The following ADAM28 variants were observed in gnomAD, a reference collection of about 807,000 sequenced individuals.
ADAM28 encodes disintegrin and metalloproteinase domain-containing protein 28.
In ADAM28, 105 loss-of-function variants were observed where a neutral mutation model predicts 101.2. That is an observed-to-expected ratio of 1.04 (90% CI 0.89 to 1.22). The LOEUF is 1.22. Among genes scored for constraint, ADAM28 ranks in the 50% most tolerant of loss-of-function variants. The pLI is 0.00. For synonymous variants in ADAM28, 322 were observed against 310.6 expected, an observed-to-expected ratio of 1.04 and a Z score of -0.39; for missense variants, 1,028 against 945.4, an observed-to-expected ratio of 1.09 and a Z score of -1.15.
At chr8:24,297,170 T>TTGG (rs1808084516) in intron 1 of ADAM28, among the ~76,000 whole-genome samples, 1 of 125,596 alleles carries the variant, frequency 8.0e-6, no homozygotes, top group African/African-American at 3.8e-5. Context: ...TTTTTTTTTG[T>TTGG]TGTTGTTGTT....
Position 24,331,214 on chromosome 8 carries a change from A to C in ADAM28, c.1168A>C (p.Lys390Gln). 1 of 1,613,594 alleles carries C rather than the reference A, an allele frequency of 6.2e-7. No homozygotes were observed. The highest frequency in any genetic ancestry group is 1.1e-5 in the South Asian group (1 of 90,984). Residue 390 changes from lysine (K) to glutamine (Q), a missense_variant, in exon 12 of 23, where the codon AAA becomes CAA. Transcript: ENST00000265769. ...RLSYDKFFED[K>Q]LSNCLFNAPL... is the part of the protein sequence containing the mutation. Reference sequence around the variant, plus strand: ...CAGCTATGACAAGTTTTTTGAAGATAAATTATCAAATTGCCTCTTTAATGC... The same window carrying C: ...CAGCTATGACAAGTTTTTTGAAGATCAATTATCAAATTGCCTCTTTAATGC...
intron 1 of ADAM28, 107 bp downstream of exon 1, chr8:24,294,302 T>C: frequency 7.4e-7 from 1 of 1,349,424 alleles, no homozygotes; most frequent in South Asian, 1.2e-5. Context: ...TCTTTTTCTT[T>C]TTTCTCAATC....
chr8:24,350,532 A>T (rs1815973356), intron 19 of ADAM28, among the ~76,000 whole-genome samples: 1 of 152,078 alleles, frequency 6.6e-6, no homozygotes, highest in Admixed American at 6.6e-5. Flanking sequence ...CCTGGTCTCA[A>T]ACTCCTGACC....
chr8:24,320,409 T>A (rs9314281), intron 7 of ADAM28, 102 bp downstream of exon 7: 1 of 800,712 alleles, frequency 1.2e-6, no homozygotes, highest in Non-Finnish European at 2.0e-6. Context: ...TAAAGAATCA[T>A]GAATATGAGC....
rs1240124841 is a variant in ADAM28, at chr8:24,329,880, TGTGTGTGAGA to T, written c.973-103_973-94del. 156 of 950,108 alleles carry T rather than the reference TGTGTGTGAGA, an allele frequency of 1.6e-4. No homozygotes were observed. The African/African-American group carries it at 2.1e-3, about 13-fold the overall frequency. The allele number at this position is 950,108 out of a possible 1,614,324, so 58.9% of individuals were successfully genotyped here. A position where few individuals can be genotyped will look rare whatever the true frequency, so the allele number is the denominator to read the frequency against. On this transcript the variant is annotated intron_variant, in intron 10 of 22. Transcript: ENST00000265769. ...GTGTGTGTGTGTGTTTGTGTGTGTG[TGTGTGTGAGA>T]GAGAGAGAGAGAGAGAGAGAGAGAG...
At chr8:24,299,756 G>T (rs1181972161) in intron 1 of ADAM28, 1 of 381,682 alleles carries the variant, frequency 2.6e-6, no homozygotes, top group Non-Finnish European at 4.7e-6. Context: ...AGTGGGGAAG[G>T]ATCTGAAGAT....
rs574191401 is a variant in ADAM28, at chr8:24,320,575, G to A, written c.648+268G>A. Among the ~76,000 whole-genome samples, 4 of 152,056 alleles carry A rather than the reference G, an allele frequency of 2.6e-5. No homozygotes were observed. The East Asian group carries it at 5.8e-4, about 22-fold the overall frequency. On this transcript the variant is annotated intron_variant, in intron 7 of 22. Transcript: ENST00000265769. ...TATTGACTTAAGAGTACCCAACTTA[G>A]TTTCCAATTACATTCTTCTGTCATT... is the stretch of plus-strand genomic sequence containing the variant.
chr8:24,329,511 A>G (rs972697060), intron 10 of ADAM28, among the ~76,000 whole-genome samples: 2 of 152,128 alleles, frequency 1.3e-5, no homozygotes, highest in Non-Finnish European at 1.5e-5. Flanking sequence ...ATTTCATGCA[A>G]TGGGCAAGTT....
chr8:24,343,990 G>T lies in ADAM28; in HGVS notation c.1990+406G>T, dbSNP rs996752318. On this transcript the variant is annotated intron_variant, in intron 18 of 22. Transcript: ENST00000265769. The stretch of plus-strand genomic sequence containing the variant: ...TGTTTCTTTTGAGTTGGTTTGTTCT[G>T]TTGTCACCACGTCACTTGTATTCTG... Among the ~76,000 whole-genome samples the T allele has an allele frequency of 2.0e-5, 3 of 152,096 alleles. 1 individual carries two copies. Among genetic ancestry groups the T allele is most frequent in the African/African-American group, 7.2e-5 (3 of 41,400 alleles).
rs1384270904 is a variant in ADAM28 at position 24,313,511 on chromosome 8, T to C, written c.507T>C (p.Cys169=). The change falls in exon 6 of 23, where the codon TGT becomes TGC. Residue 169 remains cysteine, a synonymous_variant. Coordinates refer to ENST00000265769, the MANE Select transcript of ADAM28 (RefSeq NM_014265.6). ...NPDEKNYDST[C]GMDGVLWAHD... ...ATGAAAAGAATTATGACAGCACCTGTGGGATGGATGGTGTGTTGTGGGCCC... is the reference window on the plus strand; with the variant it reads ...ATGAAAAGAATTATGACAGCACCTGCGGGATGGATGGTGTGTTGTGGGCCC... 1.2e-6 allele frequency: 2 copies of C among 1,613,832 alleles called. No individual in the cohort carries two copies. The highest frequency in any genetic ancestry group is 2.2e-5 in the South Asian group (2 of 91,070).
At position 24,335,606 on chromosome 8, in the gene ADAM28, C is replaced by T. The variant is rs1267131776; in HGVS notation, c.1532C>T (p.Thr511Ile). The change falls in exon 14 of 23, where the codon ACA becomes ATA. Residue 511 changes from threonine (T) to isoleucine (I), a missense_variant. Transcript: ENST00000265769. ...KGHCLMGTCP[T>I]LQEQCTELWG... is the part of the protein sequence containing the mutation. ...CACTGCTTGATGGGGACATGCCCCA[C>T]ACTGCAGGAGCAGTGCACAGAGCTG... 10 of 1,612,898 alleles carry T rather than the reference C, an allele frequency of 6.2e-6. No homozygotes were observed. The highest frequency in any genetic ancestry group is 8.5e-6 in the Non-Finnish European group (10 of 1,179,436).
chr8:24,354,305 C>A, intron 22 of ADAM28, 79 bp from the exon 23 acceptor site: 3 of 1,234,480 alleles, frequency 2.4e-6, no homozygotes, highest in East Asian at 2.6e-5. Flanking sequence ...ATTTTAATTT[C>A]TTCATAGTTC....
At chr8:24,353,100 T>C (rs772674743) in intron 21 of ADAM28, among the ~76,000 whole-genome samples, 7 of 152,304 alleles carry the variant, frequency 4.6e-5, no homozygotes, top group African/African-American at 9.6e-5. Context: ...TGGATATTGA[T>C]GTTTTATTAT....
At chr8:24,342,329 T>C (rs1012217633) in intron 16 of ADAM28, among the ~76,000 whole-genome samples, 1 of 152,190 alleles carries the variant, frequency 6.6e-6, no homozygotes, top group African/African-American at 2.4e-5. Context: ...GTAAAGCCAA[T>C]CCTCAGAATA....
chr8:24,302,145 G>A (rs1704888097), intron 2 of ADAM28, among the ~76,000 whole-genome samples: 1 of 152,094 alleles, frequency 6.6e-6, no homozygotes, highest in African/African-American at 2.4e-5. Flanking sequence ...CTGTGTCCAC[G>A]TGTTCTCATT....
rs1439221350 is a variant in ADAM28, at chr8:24,331,145, C to T, written c.1104-5C>T. ...ATTCCAGTTTTTCTTTCCTTATCTT[C>T]ACAGCTTCTATATACCCACAGACTT... On this transcript the variant is annotated splice_region_variant and splice_polypyrimidine_tract_variant and intron_variant, in intron 11 of 22. Transcript: ENST00000265769. The T allele has an allele frequency of 2.5e-6, 4 of 1,601,652 alleles. No individual in the cohort carries two copies. Among genetic ancestry groups the T allele is most frequent in the Non-Finnish European group, 3.4e-6 (4 of 1,175,254 alleles).
intron 1 of ADAM28, among the ~76,000 whole-genome samples, chr8:24,296,684 T>G (rs539335026): frequency 6.6e-6 from 1 of 152,328 alleles, no homozygotes; most frequent in South Asian, 2.1e-4. Flanking sequence ...ATAACAGTTT[T>G]CTTTTTCCTG....
chr8:24,350,114 G>A (rs1437482796), intron 19 of ADAM28, 142 bp downstream of exon 19: 4 of 664,494 alleles, frequency 6.0e-6, no homozygotes, highest in Non-Finnish European at 7.0e-6. Flanking sequence ...CTTTTTGGAC[G>A]AGAAACTGGG....
In ADAM28 at chr8:24,321,300, T is replaced by C. The variant is rs1585607962; in HGVS notation, c.720+11T>C. On this transcript the variant is annotated intron_variant, in intron 8 of 22. Transcript: ENST00000265769. ...AATTATGTCAACATGGTAAGACATATTTTATTACCTGCAGTTTTAAACAGT... is the reference window on the plus strand; with the variant it reads ...AATTATGTCAACATGGTAAGACATACTTTATTACCTGCAGTTTTAAACAGT... 6 of 1,578,702 alleles carry C rather than the reference T, an allele frequency of 3.8e-6. No individual in the cohort carries two copies. Among genetic ancestry groups the C allele is most frequent in the Non-Finnish European group, 5.2e-6 (6 of 1,148,624 alleles).
Sources: gnomAD v4.1 joint callset for allele counts (sites outside exome capture counted in the v4.1 genomes callset) on GRCh38, gnomAD v4.1.1 for gene constraint, MANE v1.5 for transcripts, NCBI Gene and HGNC (gene_info 2026-07-23, HGNC 2026-07-21) for gene names.